MROH9: variants seen among roughly 807,000 people sequenced by gnomAD.
MROH9 encodes the protein maestro heat like repeat family member 9.
A neutral mutation model predicts 98.2 loss-of-function variants in MROH9; 92 were observed. The ratio of observed to expected loss-of-function variants is 0.94; its 90% CI spans 0.79 to 1.11. The LOEUF is 1.11. Among genes scored for constraint, MROH9 ranks in the 50% most tolerant of loss-of-function variants. MROH9 has a pLI of 0.00. For missense variants in MROH9, 1,057 were observed against 1,014.8 expected, an observed-to-expected ratio of 1.04 and a Z score of -0.57; for synonymous variants, 397 against 368.9, an observed-to-expected ratio of 1.08 and a Z score of -0.87.
At chr1:171,020,149 A>G (rs1157615738) in intron 17 of MROH9, among the ~76,000 whole-genome samples, 4 of 152,104 alleles carry the variant, frequency 2.6e-5, no homozygotes, top group Admixed American at 2.6e-4. Context: ...AAAAAAGCTC[A>G]GGACCAGGAT....
intron 8 of MROH9, among the ~76,000 whole-genome samples, chr1:170,982,015 T>C (rs1280236608): frequency 6.6e-6 from 1 of 152,188 alleles, no homozygotes; most frequent in Non-Finnish European, 1.5e-5. Flanking sequence ...ATAACAACTT[T>C]GGAAAGTAAT....
intron 1 of MROH9, among the ~76,000 whole-genome samples, chr1:170,938,552 T>C (rs1648989814): frequency 6.6e-6 from 1 of 152,164 alleles, no homozygotes; most frequent in Admixed American, 6.5e-5. Flanking sequence ...GGGAACATGG[T>C]AAGACTAGTG....
chr1:171,040,155 A>G (rs990261689), intron 20 of MROH9, among the ~76,000 whole-genome samples: 4 of 152,094 alleles, frequency 2.6e-5, no homozygotes, highest in African/African-American at 9.6e-5. Context: ...CTTTTTTAAA[A>G]AGTCAAATAG....
At chr1:171,058,902 C>T (rs1435516726) in intron 20 of MROH9, among the ~76,000 whole-genome samples, 3 of 152,284 alleles carry the variant, frequency 2.0e-5, no homozygotes, top group African/African-American at 7.2e-5. Context: ...TAGAAGAAAA[C>T]CTAGGCAATA....
At chr1:170,948,756 T>A (rs1012677609) in intron 3 of MROH9, among the ~76,000 whole-genome samples, 2 of 152,068 alleles carry the variant, frequency 1.3e-5, no homozygotes, top group African/African-American at 2.4e-5. Flanking sequence ...CAAATATGAC[T>A]TTGGGCCAGA....
intron 15 of MROH9, among the ~76,000 whole-genome samples, chr1:171,004,724 TG>T (rs1651898771): frequency 1.3e-5 from 2 of 152,196 alleles, no homozygotes. Context: ...AGCCTCTGCA[TG>T]CTGTTCTGTC....
chr1:171,029,820 A>C lies in MROH9; in HGVS notation c.2281+4400A>C, dbSNP rs190589048. Among the ~76,000 whole-genome samples the C allele has an allele frequency of 2.4e-4, 36 of 152,318 alleles. 1 individual carries two copies. Among genetic ancestry groups the C allele is most frequent in the Admixed American group, 2.2e-3 (33 of 15,300 alleles). ...TGATGCTGGCTTCATAAAATGAGTT[A>C]GGGAGGAGTCCCTCCTTTTCAATTG... On this transcript the variant is annotated intron_variant, in intron 20 of 21. Transcript: ENST00000367759.
intron 16 of MROH9, 62 bp downstream of exon 16, chr1:171,014,316 CACTT>C: frequency 7.0e-7 from 1 of 1,419,424 alleles, no homozygotes; most frequent in Non-Finnish European, 9.6e-7. Context: ...ATTTTGATGT[CACTT>C]AACATCTTCA....
At chr1:171,033,083 C>A (rs1229979825) in intron 20 of MROH9, among the ~76,000 whole-genome samples, 1 of 152,192 alleles carries the variant, frequency 6.6e-6, no homozygotes, top group Non-Finnish European at 1.5e-5. Flanking sequence ...TGTTGGGCTG[C>A]GGAGGGACAA....
In MROH9 at chr1:170,986,627, T is replaced by A; in HGVS notation, c.796T>A (p.Ser266Thr). ...TGTGCAGAGTCTCCTGATGAAACTC[T>A]CTTCACCTGATGATAAAATCGCATC... ...DFVQSLLMKLSSPDDKIASDA... is the reference protein window; with the variant it reads ...DFVQSLLMKLTSPDDKIASDA... Residue 266 changes from serine (S) to threonine (T), a missense_variant, in exon 10 of 22, where the codon TCT becomes ACT. Transcript: ENST00000367759. 1 of 1,613,876 alleles carries A rather than the reference T, an allele frequency of 6.2e-7. No individual in the cohort carries two copies.
At chr1:171,024,969 C>T (rs913712088) in intron 19 of MROH9, among the ~76,000 whole-genome samples, 2 of 152,174 alleles carry the variant, frequency 1.3e-5, no homozygotes, top group Admixed American at 1.3e-4. Context: ...CACTGATCAT[C>T]CATCTTATCT....
At chr1:171,024,303 GGTGTGTGTGTGTGTGTGT>G in intron 17 of MROH9, 74 bp from the exon 18 acceptor site, 1 of 669,558 alleles carries the variant, frequency 1.5e-6, no homozygotes, top group Non-Finnish European at 2.6e-6. Flanking sequence ...ATTTATATGG[GGTGTGTGTGTGTGTGTGT>G]GTGTGTGTGT....
At chr1:170,990,808 A>T (rs1285606574) in intron 11 of MROH9, among the ~76,000 whole-genome samples, 2 of 152,180 alleles carry the variant, frequency 1.3e-5, no homozygotes, top group Admixed American at 1.3e-4. Flanking sequence ...GAAAATGAGG[A>T]AAGTTCTATC....
At chr1:171,008,906 G>C (rs897142084) in intron 15 of MROH9, among the ~76,000 whole-genome samples, 2 of 151,988 alleles carry the variant, frequency 1.3e-5, no homozygotes, top group Non-Finnish European at 2.9e-5. Context: ...CATGTATTAT[G>C]TACTATAGAA....
intron 3 of MROH9, among the ~76,000 whole-genome samples, chr1:170,950,118 T>C (rs1009040905): frequency 5.9e-5 from 9 of 152,002 alleles, no homozygotes; most frequent in Admixed American, 2.0e-4. Context: ...AGCTAGCAAG[T>C]GGCAGAACGA....
rs538203012 is a variant in MROH9 at position 170,996,484 on chromosome 1, T to G, written c.1338-23T>G. 4.3e-6 allele frequency: 7 copies of G among 1,609,816 alleles called. No individual in the cohort carries two copies. The South Asian group carries it at 7.8e-5, about 18-fold the overall frequency. On this transcript the variant is annotated intron_variant, in intron 13 of 21. Coordinates refer to ENST00000367759, the MANE Select transcript of MROH9 (RefSeq NM_001163629.2). ...TTGAATATCACCGGCATGTGATGAC[T>G]TTGCTCTCTTTTGGGGCTTTAGGTA...
rs1651394643 is a variant in MROH9 at position 170,992,451 on chromosome 1, T to C, written c.1194+122T>C. On this transcript the variant is annotated intron_variant, in intron 12 of 21. Transcript: ENST00000367759. ...AGTCCTCTTCTCATGCATCCATTCA[T>C]GCAACACATATTTATTGAGTGTCTA... is the stretch of plus-strand genomic sequence containing the variant. The C allele has an allele frequency of 5.0e-6, 5 of 994,522 alleles. No homozygotes were observed. The Admixed American group carries it at 7.7e-5, about 15-fold the overall frequency. 61.6% of individuals were successfully genotyped at this position (994,522 alleles called of 1,614,324 possible).
chr1:171,031,180 T>C (rs1652897167), intron 20 of MROH9, among the ~76,000 whole-genome samples: 1 of 152,196 alleles, frequency 6.6e-6, no homozygotes, highest in Non-Finnish European at 1.5e-5. Flanking sequence ...ATGTGTGTCT[T>C]TGCACATTAG....
chr1:170,990,807 G>C lies in MROH9; in HGVS notation c.1028+804G>C, dbSNP rs549394164. On this transcript the variant is annotated intron_variant, in intron 11 of 21. Coordinates refer to ENST00000367759, the MANE Select transcript of MROH9 (RefSeq NM_001163629.2). ...TAAATTTCCTCATCTAGAAAATGAG[G>C]AAAGTTCTATCTATAGATATGTTAT... Among the ~76,000 whole-genome samples the C allele has an allele frequency of 9.9e-5, 15 of 152,232 alleles. 1 individual carries two copies. The South Asian group carries it at 2.9e-3, about 30-fold the overall frequency.
Sources: allele counts gnomAD v4.1 joint callset (sites outside exome capture counted in the v4.1 genomes callset), GRCh38; gene constraint gnomAD v4.1.1; transcripts MANE v1.5; gene names NCBI Gene and HGNC (gene_info 2026-07-23, HGNC 2026-07-21).